Variants in CCR5AS observed in about 807,000 individuals in gnomAD.
CCR5AS encodes CCR5 antisense RNA.
At chr3:46,391,494 G>A (rs1013817095) in intron 2 of CCR5AS, among the ~76,000 whole-genome samples, 5 of 152,140 alleles carry the variant, frequency 3.3e-5, no homozygotes, top group Non-Finnish European at 7.3e-5. Flanking sequence ...CGGCCTTCTG[G>A]CACCTCTGGG....
At chr3:46,393,768 G>A (rs1332260177) in intron 1 of CCR5AS, among the ~76,000 whole-genome samples, 1 of 152,184 alleles carries the variant, frequency 6.6e-6, no homozygotes, top group African/African-American at 2.4e-5. Context: ...GGGCTTCCAG[G>A]CCCCATGCTG....
chr3:46,393,473 AAAGAAAAGAAAAGAAAAAAAAAG>A (rs1701933328), intron 1 of CCR5AS, among the ~76,000 whole-genome samples: 1 of 150,838 alleles, frequency 6.6e-6, no homozygotes, highest in African/African-American at 2.4e-5. Flanking sequence ...AAAAAAAAGA[AAAGAAAAGAAAAGAAAAAAAAAG>A]AAGAAGAAAA....
chr3:46,376,623 A>T (rs1479811747), intron 2 of CCR5AS, among the ~76,000 whole-genome samples: 1 of 152,182 alleles, frequency 6.6e-6, no homozygotes, highest in Non-Finnish European at 1.5e-5. Flanking sequence ...CGCAGCCCTG[A>T]GTTGTAGGCA....
chr3:46,405,144 A>G (rs1289036586), intron 1 of CCR5AS, among the ~76,000 whole-genome samples: 1 of 152,218 alleles, frequency 6.6e-6, no homozygotes, highest in Non-Finnish European at 1.5e-5. Context: ...CTTCCTATGT[A>G]GAAGTTTCAA....
intron 1 of CCR5AS, among the ~76,000 whole-genome samples, chr3:46,401,362 G>GGTGGGGTCTGGC (rs1268587499): frequency 1.5e-3 from 230 of 152,330 alleles, no homozygotes; most frequent in African/African-American, 5.3e-3. Flanking sequence ...AATCTTTCAA[G>GGTGGGGTCTGGC]ATACAGAACC....
At chr3:46,372,731 A>T in intron 2 of CCR5AS, 1 of 529,218 alleles carries the variant, frequency 1.9e-6, no homozygotes, top group Non-Finnish European at 3.3e-6. Context: ...CCTTCCCTTC[A>T]CTACAAAACT....
At chr3:46,366,339 C>T (rs1384470214) in intron 3 of CCR5AS, among the ~76,000 whole-genome samples, 1 of 152,182 alleles carries the variant, frequency 6.6e-6, no homozygotes, top group Non-Finnish European at 1.5e-5. Flanking sequence ...GAGTATAGAG[C>T]TCCAGGTATG....
chr3:46,406,159 C>T (rs11574432), intron 1 of CCR5AS, among the ~76,000 whole-genome samples: 9,213 of 152,186 alleles, frequency 0.061, 935 homozygotes, highest in African/African-American at 0.21. Flanking sequence ...TGTAGGAATG[C>T]GCCTCAGTGC....
chr3:46,370,895 T>A (rs1417561725), intron 3 of CCR5AS: 1 of 152,192 alleles, frequency 6.6e-6, no homozygotes, highest in African/African-American at 2.4e-5. Flanking sequence ...AGAAACAGCA[T>A]TTCCTACTTT....
At chr3:46,371,643 C>G (rs528022257) in intron 2 of CCR5AS, among the ~76,000 whole-genome samples, 11 of 152,290 alleles carry the variant, frequency 7.2e-5, no homozygotes, top group Admixed American at 5.9e-4. Context: ...CTTAAATAGA[C>G]TAGGCAAGAC....
chr3:46,373,005 C>T (rs778497859), intron 2 of CCR5AS: 1 of 1,614,178 alleles, frequency 6.2e-7, no homozygotes, highest in Admixed American at 1.7e-5. Context: ...CCTCCTGCCT[C>T]CGCTCTACTC....
chr3:46,376,788 G>A (rs533689380), intron 2 of CCR5AS, among the ~76,000 whole-genome samples: 53 of 152,278 alleles, frequency 3.5e-4, no homozygotes, highest in African/African-American at 7.0e-4. Context: ...GAGGGGACCC[G>A]TCTGGGTCAC....
chr3:46,394,246 C>T (rs1031722666), intron 1 of CCR5AS, among the ~76,000 whole-genome samples: 2 of 152,164 alleles, frequency 1.3e-5, no homozygotes, highest in East Asian at 3.9e-4. Context: ...CAAAAACCTA[C>T]CCATCCAGAA....
In CCR5AS at chr3:46,373,570, G is replaced by A. The variant is rs1800452; in HGVS notation, n.392-2153C>T. 2.7e-3 allele frequency: 4,435 copies of A among 1,613,554 alleles called. 100 individuals are homozygous for A. In the East Asian group the frequency reaches 0.06, roughly 22 times the overall value. On this transcript the variant is annotated intron_variant and non_coding_transcript_variant, in intron 2 of 3. Coordinates refer to ENST00000451485, the Ensembl canonical transcript of CCR5AS. ...TCGGGAATCCTAAAAACTCTGCTTCGGTGTCGAAATGAGAAGAAGAGGCAC... is the reference window on the plus strand; with the variant it reads ...TCGGGAATCCTAAAAACTCTGCTTCAGTGTCGAAATGAGAAGAAGAGGCAC...
chr3:46,404,492 C>T (rs1382226350), intron 1 of CCR5AS, among the ~76,000 whole-genome samples: 2 of 151,850 alleles, frequency 1.3e-5, no homozygotes, highest in African/African-American at 2.4e-5. Context: ...CCATCGCCAC[C>T]CCTCCTGGCT....
At chr3:46,365,252 G>A (rs987359489) in intron 3 of CCR5AS, among the ~76,000 whole-genome samples, 1 of 152,134 alleles carries the variant, frequency 6.6e-6, no homozygotes, top group African/African-American at 2.4e-5. Context: ...CTTATTTTAA[G>A]AAATTGCCAC....
chr3:46,370,406 G>A lies in CCR5AS; in HGVS notation n.565+838C>T, dbSNP rs1701646016. 2.0e-5 allele frequency among the ~76,000 whole-genome samples: 3 copies of A among 151,684 alleles called. No individual in the cohort carries two copies. The South Asian group carries it at 6.3e-4, about 32-fold the overall frequency. On this transcript the variant is annotated intron_variant and non_coding_transcript_variant, in intron 3 of 3. Coordinates refer to ENST00000451485, the Ensembl canonical transcript of CCR5AS. The stretch of plus-strand genomic sequence containing the variant: ...GGTGAGCATCTGTGTGGGGGTTGGG[G>A]TGGGATAGGGGATACGGGGAGAGTG...
chr3:46,406,549 G>T (rs536137352), intron 1 of CCR5AS, among the ~76,000 whole-genome samples: 1 of 152,020 alleles, frequency 6.6e-6, no homozygotes, highest in East Asian at 1.9e-4. Flanking sequence ...TCAGTTTGGG[G>T]TTAAACTTGT....
At chr3:46,377,724 G>C (rs1391397095) in intron 2 of CCR5AS, among the ~76,000 whole-genome samples, 1 of 147,864 alleles carries the variant, frequency 6.8e-6, no homozygotes, top group Non-Finnish European at 1.5e-5. Flanking sequence ...TTTTTTTTTT[G>C]AGATGGAGTC....
Sources: allele counts gnomAD v4.1 joint callset (sites outside exome capture counted in the v4.1 genomes callset), GRCh38; gene constraint gnomAD v4.1.1; transcripts MANE v1.5; gene names NCBI Gene and HGNC (gene_info 2026-07-23, HGNC 2026-07-21).